STIMATE: variants seen among roughly 807,000 people sequenced by gnomAD.
The protein encoded by STIMATE is STIM activating enhancer.
STIMATE carries 15 observed loss-of-function variants against 36.7 expected under a neutral mutation model. The ratio of observed to expected loss-of-function variants is 0.41; its 90% CI spans 0.27 to 0.63. The LOEUF is 0.63. STIMATE is among the 20% of genes least tolerant of loss of function. The pLI, the probability that STIMATE is intolerant of heterozygous loss-of-function variation, is 0.32. For synonymous variants in STIMATE, 163 were observed against 162.3 expected, an observed-to-expected ratio of 1.00 and a Z score of -0.03; for missense variants, 305 against 397.3, an observed-to-expected ratio of 0.77 and a Z score of 1.98.
intron 1 of STIMATE, among the ~76,000 whole-genome samples, chr3:52,896,508 T>G (rs1430336221): frequency 6.6e-6 from 1 of 152,128 alleles, no homozygotes. Flanking sequence ...GGTGGGGGCT[T>G]CCTTCTCTAT....
chr3:52,848,861 G>A (rs983229506), intron 4 of STIMATE, among the ~76,000 whole-genome samples: 1 of 152,216 alleles, frequency 6.6e-6, no homozygotes, highest in African/African-American at 2.4e-5. Context: ...TGACTCATCA[G>A]GCATCAAGTA....
intron 4 of STIMATE, among the ~76,000 whole-genome samples, chr3:52,847,898 C>T (rs1053885754): frequency 5.3e-5 from 8 of 152,124 alleles, no homozygotes; most frequent in East Asian, 1.9e-4. Flanking sequence ...ATAAACCCAG[C>T]GACTCTTGTT....
intron 1 of STIMATE, among the ~76,000 whole-genome samples, chr3:52,881,613 A>G (rs558913998): frequency 3.3e-5 from 5 of 152,206 alleles, no homozygotes; most frequent in Admixed American, 6.5e-5. Context: ...GAGGCAGGAG[A>G]ATGGCGTGAA....
chr3:52,890,677 A>T (rs1701769289), intron 1 of STIMATE, among the ~76,000 whole-genome samples: 1 of 152,252 alleles, frequency 6.6e-6, no homozygotes, highest in African/African-American at 2.4e-5. Context: ...AACTGCTTCT[A>T]TGCATACACA....
chr3:52,878,535 G>T (rs1180262105), intron 1 of STIMATE, among the ~76,000 whole-genome samples: 1 of 152,192 alleles, frequency 6.6e-6, no homozygotes, highest in African/African-American at 2.4e-5. Context: ...TATGGTCCTG[G>T]ATGTATTAGT....
In STIMATE at chr3:52,837,806, T is replaced by G. The variant is rs976975205; in HGVS notation, c.*2688A>C. ...GATGCCATGTGGCCAGGTGAAGAGC[T>G]GCACCTCGTAAGGCACCTTGGAGCA... On this transcript the variant is annotated 3_prime_UTR_variant, in exon 8 of 8. Transcript: ENST00000355083. 1 of 152,198 alleles carries G rather than the reference T, an allele frequency of 6.6e-6. No individual in the cohort carries two copies. Among genetic ancestry groups the G allele is most frequent in the Admixed American group, 6.5e-5 (1 of 15,284 alleles). The allele number at this position is 152,198 out of a possible 1,614,324, so 9.4% of individuals were successfully genotyped here.
chr3:52,844,393 A>G (rs976979003), intron 5 of STIMATE, among the ~76,000 whole-genome samples: 6 of 152,220 alleles, frequency 3.9e-5, no homozygotes, highest in Admixed American at 3.3e-4. Context: ...GGCGGAAGCC[A>G]CGGTTGGGGA....
chr3:52,863,221 A>AG (rs1181555774), intron 1 of STIMATE, among the ~76,000 whole-genome samples: 15 of 152,202 alleles, frequency 9.9e-5, no homozygotes, highest in Admixed American at 2.0e-4. Context: ...GACATACCCG[A>AG]GACTGGGAAG....
At chr3:52,879,152 C>T (rs1358621624) in intron 1 of STIMATE, among the ~76,000 whole-genome samples, 1 of 152,202 alleles carries the variant, frequency 6.6e-6, no homozygotes, top group African/African-American at 2.4e-5. Flanking sequence ...AGCTCCTCAG[C>T]CCAATGAAGT....
intron 1 of STIMATE, among the ~76,000 whole-genome samples, chr3:52,874,390 T>C (rs748843882): frequency 6.6e-6 from 1 of 152,216 alleles, no homozygotes; most frequent in African/African-American, 2.4e-5. Flanking sequence ...CCTATTTTTA[T>C]ACATCAACAA....
chr3:52,884,926 A>C (rs1701667691), intron 1 of STIMATE, among the ~76,000 whole-genome samples: 1 of 152,140 alleles, frequency 6.6e-6, no homozygotes, highest in Admixed American at 6.5e-5. Flanking sequence ...TCTTGGGTAA[A>C]TCTCGAGGGG....
intron 1 of STIMATE, among the ~76,000 whole-genome samples, chr3:52,883,048 A>T (rs185166333): frequency 6.6e-6 from 1 of 152,344 alleles, no homozygotes; most frequent in Admixed American, 6.5e-5. Context: ...TATCACACTT[A>T]ACTCATGACA....
chr3:52,897,272 CG>C lies in STIMATE; in HGVS notation c.160+18del, dbSNP rs376857317. 8.5e-6 allele frequency: 13 copies of C among 1,537,210 alleles called. No homozygotes were observed. Among genetic ancestry groups the C allele is most frequent in the African/African-American group, 2.7e-5 (2 of 72,874 alleles). On this transcript the variant is annotated intron_variant, in intron 1 of 7. Transcript: ENST00000355083. Reference sequence around the variant, plus strand: ...CTGCCGCGCAGGGCCTCCGGAGGGTCGGGGGGTCCCAGACTCACGCATTAAC... The same window carrying C: ...CTGCCGCGCAGGGCCTCCGGAGGGTCGGGGGTCCCAGACTCACGCATTAAC...
chr3:52,884,388 G>GT (rs1701658934), intron 1 of STIMATE, among the ~76,000 whole-genome samples: 1 of 152,024 alleles, frequency 6.6e-6, no homozygotes, highest in East Asian at 1.9e-4. Context: ...TGGGACAACA[G>GT]GCGCCCGCCA....
Position 52,852,592 on chromosome 3 carries a change from G to A in STIMATE, c.305+11C>T, listed in dbSNP as rs776098793. 59 of 1,612,262 alleles carry A rather than the reference G, an allele frequency of 3.7e-5. No homozygotes were observed. The highest frequency in any genetic ancestry group is 4.9e-5 in the Non-Finnish European group (58 of 1,179,472). ...GCAGCTGATGTTTGCACTCAAATAGGGAACACTTACAGTGAACAAGGGTCC... is the reference window on the plus strand; with the variant it reads ...GCAGCTGATGTTTGCACTCAAATAGAGAACACTTACAGTGAACAAGGGTCC... On this transcript the variant is annotated intron_variant, in intron 3 of 7. Transcript: ENST00000355083.
Position 52,873,443 on chromosome 3 carries a change from TG to T in STIMATE, c.161-18000del, listed in dbSNP as rs1488671575. ...TAGGAAACAGGTACTCTTAAAACAC[TG>T]GTAGAAAAGCGAGTTGTACAACCAC... On this transcript the variant is annotated intron_variant, in intron 1 of 7. Transcript: ENST00000355083. Among the ~76,000 whole-genome samples, 3 of 152,356 alleles carry T rather than the reference TG, an allele frequency of 2.0e-5. No individual in the cohort carries two copies. The East Asian group carries it at 5.8e-4, about 29-fold the overall frequency.
intron 4 of STIMATE, 82 bp from the exon 5 acceptor site, chr3:52,845,023 C>T (rs1363926576): frequency 5.7e-6 from 8 of 1,403,254 alleles, no homozygotes; most frequent in Non-Finnish European, 6.8e-6. Context: ...CCCCCACACG[C>T]ACCCCAGAAC....
At position 52,875,316 on chromosome 3, in the gene STIMATE, A is replaced by G. The variant is rs573255019; in HGVS notation, c.161-19872T>C. The stretch of plus-strand genomic sequence containing the variant: ...ACCTTGTGGTTAGTCAAATTCTTAG[A>G]AGAAGGCATGGCCGTGGAGTCTGCA... On this transcript the variant is annotated intron_variant, in intron 1 of 7. Transcript: ENST00000355083. Among the ~76,000 whole-genome samples the G allele has an allele frequency of 5.3e-5, 8 of 152,270 alleles. No individual in the cohort carries two copies. The South Asian group carries it at 1.2e-3, about 24-fold the overall frequency.
chr3:52,849,074 T>C (rs1418042454), intron 4 of STIMATE, among the ~76,000 whole-genome samples: 2 of 152,194 alleles, frequency 1.3e-5, no homozygotes, highest in Non-Finnish European at 2.9e-5. Context: ...TTGGGAGGCA[T>C]GACCAGGACA....
Sources: gnomAD v4.1 joint callset for allele counts (sites outside exome capture counted in the v4.1 genomes callset) on GRCh38, gnomAD v4.1.1 for gene constraint, MANE v1.5 for transcripts, NCBI Gene and HGNC (gene_info 2026-07-23, HGNC 2026-07-21) for gene names.